CHID1: variants seen among roughly 807,000 people sequenced by gnomAD.
CHID1 encodes the protein chitinase domain containing 1.
In CHID1, 44 loss-of-function variants were observed where a neutral mutation model predicts 55.4. The ratio of observed to expected loss-of-function variants is 0.79; its 90% CI spans 0.62 to 1.02. CHID1 has a LOEUF of 1.02. Ranked by LOEUF, CHID1 falls within the 50% of genes least tolerant of loss-of-function variation. The pLI is 0.00. For missense variants in CHID1, 491 were observed against 515.3 expected, an observed-to-expected ratio of 0.95 and a Z score of 0.46; for synonymous variants, 216 against 212.9, an observed-to-expected ratio of 1.01 and a Z score of -0.13.
chr11:907,805 C>T (rs1477856268), intron 1 of CHID1, among the ~76,000 whole-genome samples: 1 of 152,196 alleles, frequency 6.6e-6, no homozygotes, highest in Non-Finnish European at 1.5e-5. Context: ...GCCCAAGAGG[C>T]TCCAGGAACC....
chr11:913,209 C>T (rs1852790949), upstream of CHID1, among the ~76,000 whole-genome samples: 1 of 149,088 alleles, frequency 6.7e-6, no homozygotes, highest in Non-Finnish European at 1.5e-5. Context: ...GGCTGGAGTG[C>T]AGTGGATTAT....
At chr11:886,548 G>A (rs535080121) in intron 8 of CHID1, among the ~76,000 whole-genome samples, 6 of 152,224 alleles carry the variant, frequency 3.9e-5, no homozygotes, top group African/African-American at 1.4e-4. Context: ...CTGGAGACGG[G>A]GCCTTTAGGA....
intron 10 of CHID1, among the ~76,000 whole-genome samples, chr11:876,270 C>A (rs1849509603): frequency 6.6e-6 from 1 of 152,182 alleles, no homozygotes; most frequent in South Asian, 2.1e-4. Context: ...ACCCTGTGCA[C>A]GTTGCAGGCA....
In CHID1 at chr11:873,342, C is replaced by T. The variant is rs1366541660; in HGVS notation, c.960-2843G>A. Among the ~76,000 whole-genome samples the T allele has an allele frequency of 3.3e-5, 5 of 152,082 alleles. No individual in the cohort carries two copies. The South Asian group carries it at 8.3e-4, about 25-fold the overall frequency. ...GGCCATCCAGGCTGGTAACTGGGAC[C>T]CCCTTGAGGGCTTGTAAGACCCCAA... On this transcript the variant is annotated intron_variant, in intron 10 of 12. Transcript: ENST00000323578.
intron 8 of CHID1, among the ~76,000 whole-genome samples, chr11:885,001 G>A (rs1850285644): frequency 6.6e-6 from 1 of 152,238 alleles, no homozygotes; most frequent in South Asian, 2.1e-4. Context: ...TAAGCCAAGG[G>A]GAGACAGGAG....
In CHID1 at chr11:901,380, G is replaced by A. The variant is rs540468411; in HGVS notation, c.395-400C>T. Among the ~76,000 whole-genome samples, 12 of 152,250 alleles carry A rather than the reference G, an allele frequency of 7.9e-5. No individual in the cohort carries two copies. The East Asian group carries it at 9.6e-4, about 12-fold the overall frequency. On this transcript the variant is annotated intron_variant, in intron 4 of 12. Transcript: ENST00000323578. Reference sequence around the variant, plus strand: ...GGCTGACATTCCATCACCTCCCCACGGTTCTCTCAGTGTCAGGGAAAACCA... The same window carrying A: ...GGCTGACATTCCATCACCTCCCCACAGTTCTCTCAGTGTCAGGGAAAACCA...
chr11:900,260 A>C, intron 5 of CHID1, 150 bp from the exon 6 acceptor site: 1 of 635,734 alleles, frequency 1.6e-6, no homozygotes, highest in Non-Finnish European at 2.8e-6. Flanking sequence ...GAGCACCCAC[A>C]TGTCCAGAGA....
At chr11:913,517 A>C (rs969760896), upstream of CHID1, among the ~76,000 whole-genome samples, 1 of 152,242 alleles carries the variant, frequency 6.6e-6, no homozygotes, top group Non-Finnish European at 1.5e-5. Flanking sequence ...TCACACCTGT[A>C]ATCCCAGCAC....
At chr11:909,842 AC>A (rs1002562309) in intron 1 of CHID1, among the ~76,000 whole-genome samples, 16 of 152,074 alleles carry the variant, frequency 1.1e-4, no homozygotes, top group Non-Finnish European at 1.9e-4. Context: ...CGGGCAGATC[AC>A]CCCATCAGGA....
chr11:884,762 G>T (rs777686121), intron 8 of CHID1, among the ~76,000 whole-genome samples: 2 of 152,224 alleles, frequency 1.3e-5, no homozygotes, highest in African/African-American at 4.8e-5. Context: ...GGGAAGGGGC[G>T]CCAGGGCAGG....
chr11:880,568 A>C (rs1034380661), intron 10 of CHID1, among the ~76,000 whole-genome samples: 2 of 152,050 alleles, frequency 1.3e-5, no homozygotes, highest in African/African-American at 4.8e-5. Context: ...GCACCCCTGG[A>C]GGCCGGGCAG....
At chr11:910,735 G>A in intron 1 of CHID1, 40 bp downstream of exon 1, 2 of 1,232,650 alleles carry the variant, frequency 1.6e-6, no homozygotes, top group South Asian at 1.4e-5. Flanking sequence ...CTGAGGCCGT[G>A]CAAGGAGGAG....
At chr11:899,495 G>A in intron 6 of CHID1, 94 bp from the exon 7 acceptor site, 2 of 1,201,780 alleles carry the variant, frequency 1.7e-6, no homozygotes, top group East Asian at 2.6e-5. Flanking sequence ...ACATGGTCAG[G>A]TTGTGGCCTG....
intron 1 of CHID1, among the ~76,000 whole-genome samples, chr11:906,250 T>C (rs1375515455): frequency 6.6e-6 from 1 of 151,514 alleles, no homozygotes; most frequent in Non-Finnish European, 1.5e-5. Context: ...ACTTTTTTTT[T>C]TTTTTTTGAG....
chr11:875,151 A>C lies in CHID1; in HGVS notation c.960-4652T>G, dbSNP rs1483348167. On this transcript the variant is annotated intron_variant, in intron 10 of 12. Transcript: ENST00000323578. This position sits in a 1 kb window ranked among gnomAD's most constrained non-coding sequence, Gnocchi z 4.7. ...CCAGGCCCCCTCCTGAAGGGAGGAC[A>C]TAGCTGATGGCTGGCCCTCCCCAAG... is the stretch of plus-strand genomic sequence containing the variant. Among the ~76,000 whole-genome samples, 1 of 152,236 alleles carries C rather than the reference A, an allele frequency of 6.6e-6. No homozygotes were observed. The highest frequency in any genetic ancestry group is 2.4e-5 in the African/African-American group (1 of 41,472).
At chr11:909,847 A>T (rs1055475292) in intron 1 of CHID1, among the ~76,000 whole-genome samples, 2 of 152,140 alleles carry the variant, frequency 1.3e-5, no homozygotes, top group Non-Finnish European at 2.9e-5. Flanking sequence ...AGATCACCCC[A>T]TCAGGAGTTC....
At chr11:884,321 G>C (rs1850236983) in intron 8 of CHID1, 152 bp from the exon 9 acceptor site, 1 of 619,970 alleles carries the variant, frequency 1.6e-6, no homozygotes, top group Non-Finnish European at 2.8e-6. Flanking sequence ...CTGCAGCTTG[G>C]TTGGGGCCAC....
chr11:870,078 T>C, intron 12 of CHID1, 43 bp downstream of exon 12: 5 of 1,611,830 alleles, frequency 3.1e-6, no homozygotes, highest in Non-Finnish European at 4.2e-6. Context: ...TGCTGTCGCA[T>C]GGCCCACCCC....
upstream of CHID1, among the ~76,000 whole-genome samples, chr11:913,150 C>G (rs186496254): frequency 3.1e-4 from 46 of 150,512 alleles, no homozygotes; most frequent in African/African-American, 1.1e-3. Context: ...TGCCCCCCCC[C>G]GCAAAAAAAA....
Sources: allele counts gnomAD v4.1 joint callset (sites outside exome capture counted in the v4.1 genomes callset), GRCh38; gene constraint gnomAD v4.1.1; non-coding constraint Gnocchi (gnomAD v3.1); transcripts MANE v1.5; gene names NCBI Gene and HGNC (gene_info 2026-07-23, HGNC 2026-07-21).